KCNH1: variants seen among roughly 807,000 people sequenced by gnomAD.
KCNH1 encodes voltage-gated delayed rectifier potassium channel KCNH1.
A neutral mutation model predicts 69.2 loss-of-function variants in KCNH1; 27 were observed. The ratio of observed to expected loss-of-function variants is 0.39; its 90% confidence interval spans 0.29 to 0.54. The LOEUF is 0.54. Among genes scored for constraint, KCNH1 ranks in the 20% least tolerant of loss-of-function variants. The probability of loss-of-function intolerance (pLI) is 0.68; values close to 1 mark genes in which losing one functional copy is unlikely to be tolerated. For synonymous variants in KCNH1, 456 were observed against 487.7 expected (o/e 0.93, Z 0.86); for missense variants, 798 against 1,261.6 (o/e 0.63, Z 5.57).
chr1:211,075,914 A>C (rs1690724109), intron 5 of KCNH1, among the ~76,000 whole-genome samples: 1 of 152,224 alleles, frequency 6.6e-6, no homozygotes, highest in Admixed American at 6.5e-5. Flanking sequence ...AGCAAATAGC[A>C]CACCAGGAGA....
intron 5 of KCNH1, among the ~76,000 whole-genome samples, chr1:211,021,327 A>T (rs928463991): frequency 2.0e-5 from 3 of 152,140 alleles, no homozygotes; most frequent in African/African-American, 7.2e-5. Context: ...AATTAAAAAT[A>T]AAAAAGACCT....
intron 6 of KCNH1, among the ~76,000 whole-genome samples, chr1:210,985,172 T>C (rs570225241): frequency 6.6e-6 from 1 of 152,226 alleles, no homozygotes; most frequent in Non-Finnish European, 1.5e-5. Context: ...TTCTTCTCTC[T>C]TTTGTTCTTT....
intron 5 of KCNH1, among the ~76,000 whole-genome samples, chr1:211,049,219 TG>T (rs1440030714): frequency 1.3e-5 from 2 of 151,768 alleles, no homozygotes; most frequent in African/African-American, 4.8e-5. Flanking sequence ...ATGCAACAAG[TG>T]GTAGGAAATG....
chr1:211,034,179 A>G (rs537760563), intron 5 of KCNH1, among the ~76,000 whole-genome samples: 104 of 152,330 alleles, frequency 6.8e-4, no homozygotes, highest in Non-Finnish European at 1.1e-3. Context: ...AACCGGAAAC[A>G]ATCCAAATAT....
At chr1:210,704,509 T>C (rs1681858661) in intron 10 of KCNH1, among the ~76,000 whole-genome samples, 1 of 152,200 alleles carries the variant, frequency 6.6e-6, no homozygotes, top group Non-Finnish European at 1.5e-5. Context: ...CCATTACTTC[T>C]GCCATTATTA....
chr1:210,849,583 C>T (rs1209119523), intron 7 of KCNH1, among the ~76,000 whole-genome samples: 1 of 152,010 alleles, frequency 6.6e-6, no homozygotes, highest in Admixed American at 6.6e-5. Context: ...TTAGGCTGGT[C>T]TCAAATTCCC....
chr1:211,126,149 G>T (rs1691772598), intron 1 of KCNH1, among the ~76,000 whole-genome samples: 1 of 151,888 alleles, frequency 6.6e-6, no homozygotes, highest in Non-Finnish European at 1.5e-5. Context: ...TGGATCACTT[G>T]AGCCCAGGAG....
chr1:211,088,907 A>G (rs952013511), intron 4 of KCNH1, among the ~76,000 whole-genome samples: 1 of 152,178 alleles, frequency 6.6e-6, no homozygotes, highest in East Asian at 1.9e-4. Flanking sequence ...GAAGTGGAGC[A>G]TTTTATTCCT....
intron 6 of KCNH1, among the ~76,000 whole-genome samples, chr1:210,923,795 T>G (rs1687512688): frequency 6.6e-6 from 1 of 152,250 alleles, no homozygotes; most frequent in South Asian, 2.1e-4. Context: ...CCACTTGTTA[T>G]TCATTTTAGA....
intron 10 of KCNH1, among the ~76,000 whole-genome samples, chr1:210,758,349 C>T (rs1462910218): frequency 6.6e-6 from 1 of 152,188 alleles, no homozygotes; most frequent in African/African-American, 2.4e-5. Context: ...GACTCTCTCT[C>T]ATCGCAGGAC....
At chr1:210,787,814 A>T (rs963167970) in intron 9 of KCNH1, among the ~76,000 whole-genome samples, 1 of 152,212 alleles carries the variant, frequency 6.6e-6, no homozygotes, top group Admixed American at 6.5e-5. Flanking sequence ...GTTAGAAATT[A>T]CTCTGTGACA....
intron 6 of KCNH1, among the ~76,000 whole-genome samples, chr1:210,938,779 T>A (rs1215175424): frequency 2.0e-5 from 3 of 152,254 alleles, no homozygotes; most frequent in African/African-American, 7.2e-5. Context: ...ATCTTTATTA[T>A]TAAAAAATTA....
chr1:211,126,374 G>C (rs1173066412), intron 1 of KCNH1, among the ~76,000 whole-genome samples: 2 of 152,120 alleles, frequency 1.3e-5, no homozygotes, highest in African/African-American at 4.8e-5. Flanking sequence ...GCCGGGCATG[G>C]TGGCGGGCTC....
chr1:210,986,266 G>A (rs1466821735), intron 6 of KCNH1, among the ~76,000 whole-genome samples: 2 of 152,180 alleles, frequency 1.3e-5, no homozygotes, highest in Admixed American at 6.5e-5. Context: ...TTTAATTGGA[G>A]CATTTAGCTC....
At chr1:211,100,838 C>G (rs1440834941) in intron 3 of KCNH1, among the ~76,000 whole-genome samples, 1 of 152,212 alleles carries the variant, frequency 6.6e-6, no homozygotes, top group Admixed American at 6.5e-5. Flanking sequence ...CTAGCAGCAT[C>G]AGCATCACCT....
intron 10 of KCNH1, among the ~76,000 whole-genome samples, chr1:210,739,282 C>T (rs1682959785): frequency 6.6e-6 from 1 of 152,192 alleles, no homozygotes; most frequent in African/African-American, 2.4e-5. Flanking sequence ...GACGTTAGAG[C>T]TTGATTTGCC....
chr1:210,874,470 T>C (rs546699217), intron 7 of KCNH1, among the ~76,000 whole-genome samples: 1 of 152,340 alleles, frequency 6.6e-6, no homozygotes, highest in African/African-American at 2.4e-5. Context: ...CTTTCTTCTG[T>C]ATATACTCCA....
chr1:211,054,811 G>C (rs1395493866), intron 5 of KCNH1, among the ~76,000 whole-genome samples: 1 of 151,884 alleles, frequency 6.6e-6, no homozygotes, highest in East Asian at 1.9e-4. Flanking sequence ...AAATAACATT[G>C]AGTGGAAATT....
chr1:211,070,430 A>C (rs7546729), intron 5 of KCNH1, among the ~76,000 whole-genome samples: 28,717 of 137,070 alleles, frequency 0.21, 3,933 homozygotes, highest in African/African-American at 0.39. Context: ...AAAAAAAAAA[A>C]ACACACACAC....
Sources: allele counts gnomAD v4.1 joint callset (sites outside exome capture counted in the v4.1 genomes callset), GRCh38; gene constraint gnomAD v4.1.1; transcripts MANE v1.5; gene names NCBI Gene and HGNC (gene_info 2026-07-23, HGNC 2026-07-21).